Variants in STXBP5L observed in about 807,000 individuals in gnomAD.
The protein encoded by STXBP5L is syntaxin binding protein 5L, also known as syntaxin-binding protein 5-like.
Under a neutral mutation model 144.5 loss-of-function variants are expected in STXBP5L, and 65 were observed. The ratio of observed to expected loss-of-function variants is 0.45; its 90% CI spans 0.37 to 0.55. The LOEUF (loss-of-function observed/expected upper bound fraction) is 0.55. STXBP5L is among the 20% of genes least tolerant of loss of function. STXBP5L has a pLI of 0.00. For synonymous variants in STXBP5L, 505 were observed against 469.6 expected, an observed-to-expected ratio of 1.08 and a Z score of -0.97; for missense variants, 1,298 against 1,405.5, an observed-to-expected ratio of 0.92 and a Z score of 1.22.
intron 10 of STXBP5L, among the ~76,000 whole-genome samples, chr3:121,216,955 A>G (rs1238551524): frequency 1.3e-5 from 2 of 152,092 alleles, no homozygotes; most frequent in African/African-American, 2.4e-5. Context: ...GTCCAGGTCG[A>G]ACTTCCTGGT....
chr3:121,060,230 C>T (rs2041201428), intron 5 of STXBP5L, among the ~76,000 whole-genome samples: 1 of 152,100 alleles, frequency 6.6e-6, no homozygotes, highest in African/African-American at 2.4e-5. Flanking sequence ...TGGAGGTAAT[C>T]ATGTGGTTTC....
At chr3:121,067,205 T>G (rs2107649333) in intron 5 of STXBP5L, among the ~76,000 whole-genome samples, 1 of 152,206 alleles carries the variant, frequency 6.6e-6, no homozygotes, top group East Asian at 1.9e-4. Flanking sequence ...TTACTGTCTT[T>G]TAACTAGATT....
intron 3 of STXBP5L, among the ~76,000 whole-genome samples, chr3:120,997,368 C>A (rs187808933): frequency 7.0e-4 from 106 of 152,308 alleles, no homozygotes; most frequent in African/African-American, 2.5e-3. Flanking sequence ...ATTCTCCAAA[C>A]TGATTTCCAC....
chr3:121,094,694 A>C (rs976552948), intron 5 of STXBP5L, among the ~76,000 whole-genome samples: 1 of 152,186 alleles, frequency 6.6e-6, no homozygotes, highest in African/African-American at 2.4e-5. Flanking sequence ...TTTCCTGAAT[A>C]CAACACACTG....
At chr3:121,263,034 C>G (rs1194512752) in intron 18 of STXBP5L, among the ~76,000 whole-genome samples, 1 of 152,220 alleles carries the variant, frequency 6.6e-6, no homozygotes. Flanking sequence ...GAGACACTAG[C>G]TGGCATGGGT....
At chr3:121,259,453 T>C (rs933772810) in intron 18 of STXBP5L, among the ~76,000 whole-genome samples, 2 of 152,086 alleles carry the variant, frequency 1.3e-5, no homozygotes, top group African/African-American at 4.8e-5. Flanking sequence ...TTTTTCTCTT[T>C]ATATTTCATT....
Position 121,412,357 on chromosome 3 carries a change from C to A in STXBP5L, c.2949-801C>A, listed in dbSNP as rs1172310014. On this transcript the variant is annotated intron_variant, in intron 23 of 26. Coordinates refer to ENST00000471454, the MANE Select transcript of STXBP5L (RefSeq NM_001308330.2). ...GGGAAGCACATGTAGAAGTTAAGAG[C>A]CTGAATCTCTTCTAAACCAATAATT... Among the ~76,000 whole-genome samples, 3 of 152,200 alleles carry A rather than the reference C, an allele frequency of 2.0e-5. No homozygotes were observed. The South Asian group carries it at 6.2e-4, about 32-fold the overall frequency.
intron 3 of STXBP5L, among the ~76,000 whole-genome samples, chr3:121,025,430 A>G (rs1385297228): frequency 1.3e-5 from 2 of 152,144 alleles, no homozygotes; most frequent in South Asian, 2.1e-4. Flanking sequence ...TATAAATATT[A>G]TAATGCAAAT....
intron 18 of STXBP5L, among the ~76,000 whole-genome samples, chr3:121,272,106 G>A (rs1326886752): frequency 6.6e-6 from 1 of 152,148 alleles, no homozygotes; most frequent in Admixed American, 6.5e-5. Context: ...TTCTGCTGTT[G>A]AATGGAATAT....
At chr3:121,081,252 T>C (rs2042236369) in intron 5 of STXBP5L, among the ~76,000 whole-genome samples, 1 of 152,180 alleles carries the variant, frequency 6.6e-6, no homozygotes, top group African/African-American at 2.4e-5. Flanking sequence ...TTTATCCATA[T>C]CCTGTATTTT....
At chr3:121,086,260 C>A (rs2042487071) in intron 5 of STXBP5L, among the ~76,000 whole-genome samples, 1 of 152,020 alleles carries the variant, frequency 6.6e-6, no homozygotes, top group East Asian at 1.9e-4. Context: ...GTTTATATTT[C>A]CAATTTTATT....
chr3:121,400,159 A>G (rs2046836379), intron 22 of STXBP5L, among the ~76,000 whole-genome samples: 1 of 152,202 alleles, frequency 6.6e-6, no homozygotes, highest in South Asian at 2.1e-4. Flanking sequence ...GTAAAGACCA[A>G]TGAGACAATG....
chr3:121,252,761 C>T (rs949498420), intron 15 of STXBP5L, among the ~76,000 whole-genome samples: 30 of 152,176 alleles, frequency 2.0e-4, no homozygotes, highest in African/African-American at 7.0e-4. Flanking sequence ...TTTATCATCT[C>T]ACTGTTTCTG....
intron 20 of STXBP5L, among the ~76,000 whole-genome samples, chr3:121,335,164 T>C (rs564092787): frequency 6.6e-6 from 1 of 152,094 alleles, no homozygotes; most frequent in African/African-American, 2.4e-5. Context: ...ACACCAACAA[T>C]AGCCAAACCA....
At chr3:121,133,148 T>A (rs767946481) in intron 7 of STXBP5L, among the ~76,000 whole-genome samples, 1 of 152,122 alleles carries the variant, frequency 6.6e-6, no homozygotes, top group Non-Finnish European at 1.5e-5. Context: ...TGTCAGAGGA[T>A]TGCTTGAGCC....
Position 121,255,056 on chromosome 3 carries a change from T to A in STXBP5L, c.1603T>A (p.Ser535Thr). The change falls in exon 16 of 27, where the codon TCT becomes ACT. Residue 535 changes from serine to threonine, a missense_variant. Ser to Thr is a moderately conservative substitution (Grantham distance 58). Coordinates refer to ENST00000471454, the MANE Select transcript of STXBP5L (RefSeq NM_001308330.2). ...ESRIFCVSGV[S>T]AYVIIYKFSR... is the part of the protein sequence containing the mutation. ...CAGAATATTCTGTGTATCAGGAGTC[T>A]CTGCATATGTCATAATTTATAAATT... is the stretch of plus-strand genomic sequence containing the variant. The A allele has an allele frequency of 6.2e-7, 1 of 1,608,342 alleles. No homozygotes were observed. The highest frequency in any genetic ancestry group is 8.5e-7 in the Non-Finnish European group (1 of 1,177,806).
chr3:120,909,535 C>T, intron 1 of STXBP5L, 36 bp from the exon 2 acceptor site: 1 of 1,583,744 alleles, frequency 6.3e-7, no homozygotes. Flanking sequence ...TGTTAAGTCA[C>T]CTCTTTCCCT....
intron 9 of STXBP5L, among the ~76,000 whole-genome samples, chr3:121,160,974 G>A (rs867950783): frequency 6.6e-6 from 1 of 151,990 alleles, no homozygotes; most frequent in African/African-American, 2.4e-5. Context: ...TAACCATGTA[G>A]ATCTATTTCT....
intron 5 of STXBP5L, among the ~76,000 whole-genome samples, chr3:121,089,881 A>C (rs1410718649): frequency 6.6e-6 from 1 of 151,746 alleles, no homozygotes; most frequent in Non-Finnish European, 1.5e-5. Context: ...CAGAATTTTA[A>C]ATTTTCTTCA....
Sources: allele counts gnomAD v4.1 joint callset (sites outside exome capture counted in the v4.1 genomes callset), GRCh38; gene constraint gnomAD v4.1.1; transcripts MANE v1.5; gene names NCBI Gene and HGNC (gene_info 2026-07-23, HGNC 2026-07-21).